DIAPH3: variants seen among roughly 807,000 people sequenced by gnomAD.
DIAPH3 encodes the protein diaphanous related formin 3.
Under a neutral mutation model 144.3 loss-of-function variants are expected in DIAPH3, and 117 were observed. The observed-to-expected ratio is 0.81, with a 90% CI of 0.70 to 0.95. The LOEUF (loss-of-function observed/expected upper bound fraction) is 0.95, where lower values mean the gene tolerates loss of function less well. Ranked by LOEUF, DIAPH3 falls within the 40% of genes least tolerant of loss-of-function variation. DIAPH3 has a pLI of 0.00. For synonymous variants in DIAPH3, 519 were observed against 488.9 expected, an observed-to-expected ratio of 1.06 and a Z score of -0.81; for missense variants, 1,421 against 1,412.7, an observed-to-expected ratio of 1.01 and a Z score of -0.09.
At chr13:59,766,471 G>T (rs1204868750) in intron 27 of DIAPH3, among the ~76,000 whole-genome samples, 1 of 152,080 alleles carries the variant, frequency 6.6e-6, no homozygotes, top group African/African-American at 2.4e-5. Flanking sequence ...GAGAAAACAG[G>T]TGTTATCAGA....
chr13:59,851,622 T>C (rs1211857912), intron 22 of DIAPH3, among the ~76,000 whole-genome samples: 2 of 149,930 alleles, frequency 1.3e-5, no homozygotes, highest in Admixed American at 6.7e-5. Flanking sequence ...GATTCAACAA[T>C]GAATAGATGA....
intron 24 of DIAPH3, among the ~76,000 whole-genome samples, chr13:59,818,524 A>C (rs1187695369): frequency 6.6e-6 from 1 of 151,274 alleles, no homozygotes; most frequent in East Asian, 1.9e-4. Context: ...TTCATTATTT[A>C]TTTGAAGTGA....
At chr13:60,108,404 T>C (rs575330928) in intron 3 of DIAPH3, among the ~76,000 whole-genome samples, 1 of 152,142 alleles carries the variant, frequency 6.6e-6, no homozygotes, top group African/African-American at 2.4e-5. Flanking sequence ...AGGTCAGGAA[T>C]TCGAGACCAG....
At chr13:59,964,334 G>A (rs1005131400) in intron 17 of DIAPH3, among the ~76,000 whole-genome samples, 1 of 151,894 alleles carries the variant, frequency 6.6e-6, no homozygotes, top group African/African-American at 2.4e-5. Flanking sequence ...TAGGAAAGGA[G>A]AAAAAAGAAG....
At chr13:60,079,575 T>C (rs2057482089) in intron 4 of DIAPH3, among the ~76,000 whole-genome samples, 2 of 152,078 alleles carry the variant, frequency 1.3e-5, no homozygotes, top group Admixed American at 6.6e-5. Flanking sequence ...TAAACTTAGA[T>C]TGCTTTACGA....
At position 60,022,552 on chromosome 13, in the gene DIAPH3, T is replaced by C. The variant is rs530538647; in HGVS notation, c.627-6407A>G. On this transcript the variant is annotated intron_variant, in intron 5 of 27. Transcript: ENST00000400324. ...CAGGGCTGCTGCCTGGGACTCTGGG[T>C]AGAATCCTTCACTGCCTGTTCCTAG... Among the ~76,000 whole-genome samples, 4 of 152,296 alleles carry C rather than the reference T, an allele frequency of 2.6e-5. No homozygotes were observed. The East Asian group carries it at 7.7e-4, about 29-fold the overall frequency.
At chr13:59,906,717 A>G (rs545960139) in intron 20 of DIAPH3, among the ~76,000 whole-genome samples, 17 of 152,246 alleles carry the variant, frequency 1.1e-4, no homozygotes, top group Admixed American at 7.2e-4. Context: ...AAGAACAGGA[A>G]GCTTAACAGA....
At chr13:59,852,488 G>A (rs890189127) in intron 22 of DIAPH3, among the ~76,000 whole-genome samples, 1 of 152,154 alleles carries the variant, frequency 6.6e-6, no homozygotes, top group Non-Finnish European at 1.5e-5. Context: ...TTTAGTACTA[G>A]AACTCCGTTT....
At chr13:59,778,304 T>C (rs926950957) in intron 25 of DIAPH3, among the ~76,000 whole-genome samples, 1 of 152,222 alleles carries the variant, frequency 6.6e-6, no homozygotes, top group Non-Finnish European at 1.5e-5. Flanking sequence ...CAATGTTATA[T>C]TGTTTATGTG....
rs1191335146 is a variant in DIAPH3, at chr13:60,047,270, G to GA, written c.496-4451dup. Among the ~76,000 whole-genome samples, 249 of 147,808 alleles carry GA rather than the reference G, an allele frequency of 1.7e-3. 1 individual carries two copies. The highest frequency in any genetic ancestry group is 3.5e-3 in the Middle Eastern group (1 of 286). Reference sequence around the variant, plus strand: ...AAGAAATCCATTAAGTACATTTTCTGAAAAAAAAAATCCATAGATGCAATC... The same window carrying GA: ...AAGAAATCCATTAAGTACATTTTCTGAAAAAAAAAAATCCATAGATGCAATC... On this transcript the variant is annotated intron_variant, in intron 4 of 27. Transcript: ENST00000400324.
chr13:59,931,598 T>A (rs980937466), intron 17 of DIAPH3, among the ~76,000 whole-genome samples: 6 of 152,172 alleles, frequency 3.9e-5, no homozygotes, highest in African/African-American at 1.4e-4. Context: ...GCACCAGGAT[T>A]AAAGCCTGGA....
chr13:59,666,587 T>C lies in DIAPH3; in HGVS notation c.3579A>G (p.Leu1193=), dbSNP rs375648930. Residue 1193 remains leucine (L), a synonymous_variant, in exon 28 of 28, where the codon TTA becomes TTG. Coordinates refer to ENST00000400324, the MANE Select transcript of DIAPH3 (RefSeq NM_001042517.2). ...VEALLARLRA[L] is the part of the protein sequence containing the mutation. ...TTTTTTTAAAAACCAGTTTAACTTA[T>C]AAAGCTCGTAATCTTGCCAGCAGGG... The C allele has an allele frequency of 5.8e-5, 93 of 1,613,958 alleles. No homozygotes were observed. Among genetic ancestry groups the C allele is most frequent in the African/African-American group, 1.5e-4 (11 of 74,928 alleles).
chr13:60,155,561 G>A (rs761477902), intron 1 of DIAPH3, among the ~76,000 whole-genome samples: 2 of 152,182 alleles, frequency 1.3e-5, no homozygotes, highest in African/African-American at 2.4e-5. Flanking sequence ...TGAATAAAAT[G>A]ATTTTACCTC....
At chr13:59,820,361 A>C (rs532852782) in intron 24 of DIAPH3, among the ~76,000 whole-genome samples, 4 of 152,066 alleles carry the variant, frequency 2.6e-5, no homozygotes, top group Admixed American at 2.6e-4. Context: ...GTAGTTCTCA[A>C]CCTCAAGTCT....
At chr13:59,999,810 T>A (rs920477390) in intron 9 of DIAPH3, among the ~76,000 whole-genome samples, 1 of 152,038 alleles carries the variant, frequency 6.6e-6, no homozygotes, top group Non-Finnish European at 1.5e-5. Context: ...CTCCCCCAGC[T>A]CCTCCTCCAG....
intron 25 of DIAPH3, among the ~76,000 whole-genome samples, chr13:59,784,382 ATAT>A (rs10536407): frequency 0.67 from 98,118 of 146,970 alleles, 32,516 homozygotes; most frequent in East Asian, 0.72. Context: ...TGCCCAGCCT[ATAT>A]TATTATTATT....
intron 20 of DIAPH3, among the ~76,000 whole-genome samples, chr13:59,904,249 G>A (rs1271110805): frequency 3.9e-5 from 6 of 152,168 alleles, no homozygotes; most frequent in African/African-American, 1.4e-4. Context: ...ATTTAAAGAC[G>A]TAATGCTGGG....
chr13:60,142,117 T>C (rs2059438034), intron 1 of DIAPH3, among the ~76,000 whole-genome samples: 1 of 152,220 alleles, frequency 6.6e-6, no homozygotes, highest in Non-Finnish European at 1.5e-5. Flanking sequence ...TTCAAAGACG[T>C]GGGCTTTTAC....
intron 12 of DIAPH3, among the ~76,000 whole-genome samples, chr13:59,984,305 G>T (rs773845282): frequency 6.0e-4 from 91 of 151,746 alleles, no homozygotes; most frequent in Middle Eastern, 6.8e-3. Flanking sequence ...AGTTTTATGG[G>T]AGTATGTGGT....
Sources: gnomAD v4.1 joint callset for allele counts (sites outside exome capture counted in the v4.1 genomes callset) on GRCh38, gnomAD v4.1.1 for gene constraint, MANE v1.5 for transcripts, NCBI Gene and HGNC (gene_info 2026-07-23, HGNC 2026-07-21) for gene names.